Variants in SMYD3 observed in about 807,000 individuals in gnomAD.
The protein encoded by SMYD3 is histone-lysine N-methyltransferase SMYD3.
Under a neutral mutation model 57.7 loss-of-function variants are expected in SMYD3, and 36 were observed. That is an observed-to-expected ratio of 0.62 (90% CI 0.48 to 0.82). The LOEUF is 0.82. SMYD3 is among the 40% of genes least tolerant of loss of function. The pLI is 0.00. For missense variants in SMYD3, 515 were observed against 538.8 expected (o/e 0.96, Z 0.44); for synonymous variants, 211 against 195.0 (o/e 1.08, Z -0.68).
intron 5 of SMYD3, among the ~76,000 whole-genome samples, chr1:246,064,633 C>T (rs2060309959): frequency 6.6e-6 from 1 of 152,218 alleles, no homozygotes; most frequent in African/African-American, 2.4e-5. Flanking sequence ...TACTGTGTGT[C>T]CTTAAAGGTG....
At chr1:246,137,286 C>A (rs985644097) in intron 5 of SMYD3, among the ~76,000 whole-genome samples, 1 of 152,128 alleles carries the variant, frequency 6.6e-6, no homozygotes, top group Admixed American at 6.5e-5. Context: ...CACCTGAGTC[C>A]ATGGGATTCA....
chr1:246,375,713 A>G (rs2066265002), intron 1 of SMYD3, among the ~76,000 whole-genome samples: 1 of 151,944 alleles, frequency 6.6e-6, no homozygotes, highest in Non-Finnish European at 1.5e-5. Context: ...GCTAAAATCT[A>G]ATTTTTTTAT....
intron 2 of SMYD3, among the ~76,000 whole-genome samples, chr1:246,349,589 C>G (rs1414066393): frequency 3.3e-5 from 5 of 151,484 alleles, no homozygotes; most frequent in Non-Finnish European, 7.4e-5. Context: ...GCCTGGGTGA[C>G]AGAGAGAGAT....
chr1:246,059,516 C>T (rs2060214750), intron 5 of SMYD3, among the ~76,000 whole-genome samples: 1 of 152,134 alleles, frequency 6.6e-6, no homozygotes. Flanking sequence ...TATTATCAAG[C>T]ATGGTGAGCC....
At chr1:245,873,320 C>A (rs1017347729) in intron 8 of SMYD3, among the ~76,000 whole-genome samples, 3 of 152,302 alleles carry the variant, frequency 2.0e-5, no homozygotes, top group African/African-American at 7.2e-5. Flanking sequence ...CAGACAAATT[C>A]TTTTCACATC....
At chr1:245,946,867 TTCTC>T (rs1260001293) in intron 5 of SMYD3, among the ~76,000 whole-genome samples, 2 of 152,184 alleles carry the variant, frequency 1.3e-5, no homozygotes, top group South Asian at 2.1e-4. Context: ...AACTCCCCAT[TTCTC>T]TCTAATTTTG....
intron 5 of SMYD3, among the ~76,000 whole-genome samples, chr1:245,973,359 T>C (rs1467866178): frequency 6.6e-6 from 1 of 152,226 alleles, no homozygotes; most frequent in East Asian, 1.9e-4. Flanking sequence ...GTCCATGTTA[T>C]ACACAGGGTG....
intron 5 of SMYD3, among the ~76,000 whole-genome samples, chr1:246,299,893 GAAAAATGACTACTAGGTACTAGGCTT>G (rs202006013): frequency 0.22 from 17,579 of 78,372 alleles, 2,110 homozygotes; most frequent in East Asian, 0.42. Flanking sequence ...GTACTAGGCT[GAAAAATGACTACTAGGTACTAGGCTT>G]AACACCTGGT....
chr1:246,233,691 T>C (rs1350180209), intron 5 of SMYD3, among the ~76,000 whole-genome samples: 55 of 133,470 alleles, frequency 4.1e-4, no homozygotes, highest in African/African-American at 9.0e-4. Context: ...CTCCTTCAAT[T>C]CACACTGTGA....
At chr1:246,199,018 C>A (rs1345715042) in intron 5 of SMYD3, among the ~76,000 whole-genome samples, 1 of 152,118 alleles carries the variant, frequency 6.6e-6, no homozygotes, top group African/African-American at 2.4e-5. Flanking sequence ...AGGCTCGATA[C>A]ATGGGTATGT....
At chr1:246,197,563 A>G (rs2062844561) in intron 5 of SMYD3, among the ~76,000 whole-genome samples, 1 of 151,632 alleles carries the variant, frequency 6.6e-6, no homozygotes, top group African/African-American at 2.4e-5. Context: ...TATTCCTCCA[A>G]ACTGTCAAGG....
At chr1:246,043,120 A>G (rs903990216) in intron 5 of SMYD3, among the ~76,000 whole-genome samples, 30 of 152,228 alleles carry the variant, frequency 2.0e-4, no homozygotes, top group African/African-American at 6.0e-4. Context: ...TTAAGTATGC[A>G]CATGTACACA....
chr1:246,128,185 A>T (rs73141317), intron 5 of SMYD3, among the ~76,000 whole-genome samples: 11,809 of 152,184 alleles, frequency 0.078, 907 homozygotes, highest in South Asian at 0.18. Flanking sequence ...GCCTAATGTG[A>T]CTTTCTATGT....
At chr1:245,816,509 C>G (rs1206479426) in intron 10 of SMYD3, among the ~76,000 whole-genome samples, 2 of 105,170 alleles carry the variant, frequency 1.9e-5, no homozygotes, top group Admixed American at 2.7e-4. Flanking sequence ...AGGTCCCCTT[C>G]ATCTATGTAA....
At chr1:245,759,086 T>A (rs2045727592) in intron 11 of SMYD3, among the ~76,000 whole-genome samples, 1 of 152,200 alleles carries the variant, frequency 6.6e-6, no homozygotes, top group Non-Finnish European at 1.5e-5. Context: ...AATTTCTGCT[T>A]ATTTCCCATA....
chr1:245,824,753 G>A (rs186771055), intron 10 of SMYD3, among the ~76,000 whole-genome samples: 28 of 152,160 alleles, frequency 1.8e-4, no homozygotes, highest in Non-Finnish European at 1.2e-4. Context: ...CTACTTGGGC[G>A]GCTGAGGCGG....
chr1:245,835,889 C>G (rs756419701), intron 10 of SMYD3, among the ~76,000 whole-genome samples: 3 of 152,298 alleles, frequency 2.0e-5, no homozygotes, highest in East Asian at 1.9e-4. Flanking sequence ...TCTCCGTCGA[C>G]GTGACTTGTT....
At chr1:246,163,033 TCAA>T (rs1185082060) in intron 5 of SMYD3, among the ~76,000 whole-genome samples, 2 of 152,170 alleles carry the variant, frequency 1.3e-5, no homozygotes, top group Non-Finnish European at 2.9e-5. Flanking sequence ...CCAGAACGCA[TCAA>T]CTAATTTTTA....
intron 5 of SMYD3, among the ~76,000 whole-genome samples, chr1:245,973,410 T>C (rs1460106536): frequency 3.9e-5 from 6 of 152,152 alleles, no homozygotes; most frequent in Admixed American, 3.9e-4. Context: ...ATTCACCAAA[T>C]ATTTGTGAAA....
Sources: allele counts gnomAD v4.1 joint callset (sites outside exome capture counted in the v4.1 genomes callset), GRCh38; gene constraint gnomAD v4.1.1; transcripts MANE v1.5; gene names NCBI Gene and HGNC (gene_info 2026-07-23, HGNC 2026-07-21).